Variants in NINL observed in about 807,000 individuals in gnomAD.
The protein encoded by NINL is ninein-like protein.
A neutral mutation model predicts 160.3 loss-of-function variants in NINL; 153 were observed. That is an observed-to-expected ratio of 0.95 (90% CI 0.84 to 1.09). The LOEUF (loss-of-function observed/expected upper bound fraction) is 1.09, where lower values mean the gene tolerates loss of function less well. Ranked by LOEUF, NINL falls within the 50% of genes least tolerant of loss-of-function variation. The pLI is 0.00. For synonymous variants in NINL, 800 were observed against 734.8 expected (o/e 1.09, Z -1.43); for missense variants, 1,829 against 1,764.0 (o/e 1.04, Z -0.66).
intron 7 of NINL, among the ~76,000 whole-genome samples, chr20:25,503,371 A>G (rs1262731433): frequency 1.9e-5 from 2 of 106,812 alleles, no homozygotes; most frequent in African/African-American, 3.7e-5. Context: ...GCCTCCTGTA[A>G]CCCCAGGAGG....
In NINL at chr20:25,500,999, C is replaced by G. The variant is rs776628214; in HGVS notation, c.873G>C (p.Glu291Asp). ...AGGTTGTGGTGGTGTGGCAGCCGCT[C>G]TCCTCTGGGACCTGCATGTCAGGAA... Reference protein sequence around the residue: ...KAWSHYQVPEESGCHTTTTSS... With the variant: ...KAWSHYQVPEDSGCHTTTTSS... Residue 291 changes from glutamate (E) to aspartate (D), a missense_variant, in exon 8 of 24, where the codon GAG becomes GAC. Coordinates refer to ENST00000278886, the MANE Select transcript of NINL (RefSeq NM_025176.6). 6.2e-6 allele frequency: 10 copies of G among 1,613,922 alleles called. No homozygotes were observed. The highest frequency in any genetic ancestry group is 8.5e-6 in the Non-Finnish European group (10 of 1,179,950).
chr20:25,476,957 C>G lies in NINL; in HGVS notation c.2334G>C (p.Gln778His). ...GCTTCAGTGCCCTCTCCAGCTCCAG[C>G]TGCTCCGACCTCTGGCTCCCGCGTG... ...PLPRGSQRSEQLELERALKLQ... is the reference protein window; with the variant it reads ...PLPRGSQRSEHLELERALKLQ... Residue 778 changes from glutamine to histidine, a missense_variant, in exon 17 of 24, where the codon CAG becomes CAC. Physicochemically the swap from Gln to His is conservative, Grantham distance 24. Coordinates refer to ENST00000278886, the MANE Select transcript of NINL (RefSeq NM_025176.6). The G allele has an allele frequency of 6.2e-7, 1 of 1,609,476 alleles. No individual in the cohort carries two copies. The highest frequency in any genetic ancestry group is 8.5e-7 in the Non-Finnish European group (1 of 1,179,874).
intron 1 of NINL, 44 bp from the exon 2 acceptor site, chr20:25,526,642 C>A: frequency 1.3e-6 from 2 of 1,566,066 alleles, no homozygotes; most frequent in South Asian, 1.2e-5. Flanking sequence ...GACACTTTCC[C>A]ACCTCCCCTC....
chr20:25,555,547 T>G (rs951379075), intron 1 of NINL, among the ~76,000 whole-genome samples: 4 of 152,132 alleles, frequency 2.6e-5, no homozygotes, highest in Admixed American at 2.0e-4. Context: ...GATAACACAC[T>G]CATGTAACTA....
chr20:25,499,112 C>T, intron 8 of NINL: 2 of 985,454 alleles, frequency 2.0e-6, no homozygotes, highest in Non-Finnish European at 2.4e-6. Flanking sequence ...CAGGACGTGC[C>T]TGGCCCAGAG....
rs761737847 is a variant in NINL, at chr20:25,477,053, C to G, written c.2238G>C (p.Ser746=). The G allele has an allele frequency of 6.3e-7, 1 of 1,598,346 alleles. No homozygotes were observed. Among genetic ancestry groups the G allele is most frequent in the Admixed American group, 1.7e-5 (1 of 59,938 alleles). ...EAEAELSGEL[S]GLGALPARRD... The stretch of plus-strand genomic sequence containing the variant: ...TGCGAGCGGGCAGGGCTCCCAGCCC[C>G]GACAGCTCTCCACTCAGCTCCGCCT... The change falls in exon 17 of 24, where the codon TCG becomes TCC. Residue 746 remains serine (S), a synonymous_variant. Transcript: ENST00000278886.
intron 14 of NINL, among the ~76,000 whole-genome samples, chr20:25,481,598 G>A (rs191138712): frequency 2.6e-5 from 4 of 152,304 alleles, no homozygotes; most frequent in Admixed American, 6.5e-5. Flanking sequence ...GGTAAGCCCC[G>A]ACAGCCTCTG....
rs2064189009 is a variant in NINL at position 25,517,866 on chromosome 20, TGA to T, written c.181-19_181-18del. The T allele has an allele frequency of 1.9e-6, 3 of 1,541,660 alleles. No individual in the cohort carries two copies. Among genetic ancestry groups the T allele is most frequent in the Non-Finnish European group, 2.7e-6 (3 of 1,130,352 alleles). The stretch of plus-strand genomic sequence containing the variant: ...AAAGTTAACCTGGGTGAATTGAAGG[TGA>T]GAGAGGACAATGTCACTTTCAACAG... On this transcript the variant is annotated intron_variant, in intron 2 of 23. Transcript: ENST00000278886.
At chr20:25,580,405 T>C (rs187243358) in intron 1 of NINL, among the ~76,000 whole-genome samples, 129 of 152,138 alleles carry the variant, frequency 8.5e-4, no homozygotes, top group African/African-American at 3.0e-3. Flanking sequence ...AAAATTGGTA[T>C]ATCCTAGAGG....
At chr20:25,458,345 TCATCTCGTCAGC>T in intron 22 of NINL, 26 bp downstream of exon 22, 1 of 1,602,160 alleles carries the variant, frequency 6.2e-7, no homozygotes, top group Non-Finnish European at 8.5e-7. Context: ...ACCCTCCTCC[TCATCTCGTCAGC>T]CATCTCTCGC....
At chr20:25,467,205 GGCAGGGGTCT>G (rs1568847370) in intron 19 of NINL, among the ~76,000 whole-genome samples, 174 bp downstream of exon 19, 1 of 152,236 alleles carries the variant, frequency 6.6e-6, no homozygotes, top group Non-Finnish European at 1.5e-5. Context: ...ATTTGACTGG[GGCAGGGGTCT>G]TCACAGCCGT....
At chr20:25,506,043 C>T (rs1180992157) in intron 5 of NINL, among the ~76,000 whole-genome samples, 2 of 152,184 alleles carry the variant, frequency 1.3e-5, no homozygotes, top group African/African-American at 4.8e-5. Flanking sequence ...GCGGGTAGAT[C>T]ACGAGGTCAG....
At chr20:25,561,984 C>A (rs1430554937) in intron 1 of NINL, among the ~76,000 whole-genome samples, 2 of 138,932 alleles carry the variant, frequency 1.4e-5, no homozygotes, top group Non-Finnish European at 3.1e-5. Flanking sequence ...CCACCCCATC[C>A]GGGAGGTGAG....
intron 1 of NINL, among the ~76,000 whole-genome samples, chr20:25,573,348 G>A (rs1318198172): frequency 3.3e-5 from 5 of 151,724 alleles, no homozygotes; most frequent in African/African-American, 1.2e-4. Context: ...TAAAATCTAT[G>A]CTGAAAAATC....
intron 14 of NINL, among the ~76,000 whole-genome samples, chr20:25,480,806 G>A: frequency 6.6e-6 from 1 of 152,318 alleles, no homozygotes; most frequent in South Asian, 2.1e-4. Context: ...GAGACTGACG[G>A]GCAGGGAGGT....
chr20:25,498,077 G>C (rs1414481717), intron 9 of NINL, 133 bp downstream of exon 9: 5 of 1,100,016 alleles, frequency 4.5e-6, no homozygotes, highest in Non-Finnish European at 6.6e-6. Flanking sequence ...CAGACAGTGT[G>C]CAGAGCCCTG....
chr20:25,532,124 G>A (rs557143316), intron 1 of NINL, among the ~76,000 whole-genome samples: 49 of 152,336 alleles, frequency 3.2e-4, no homozygotes, highest in African/African-American at 1.2e-3. Context: ...AAAAAGGAAA[G>A]ACCCTGCCAT....
At position 25,479,096 on chromosome 20, in the gene NINL, C is replaced by A. The variant is rs774087724; in HGVS notation, c.2028G>T (p.Lys676Asn). ...TCTCGTGGAGCTCCTCCAGGTCGGC[C>A]TTCTGACCCTCCAGCACGCTGACCT... ...RREVSVLEGQ[K>N]ADLEELHEKS... The change falls in exon 16 of 24, where the codon AAG becomes AAT. Residue 676 changes from lysine (K) to asparagine (N), a missense_variant. By Grantham distance (94) the Lys-to-Asn change is moderately conservative (BLOSUM62 0). Transcript: ENST00000278886. 6.2e-7 allele frequency: 1 copy of A among 1,613,670 alleles called. No individual in the cohort carries two copies. Among genetic ancestry groups the A allele is most frequent in the South Asian group, 1.1e-5 (1 of 91,084 alleles).
At chr20:25,550,160 C>G (rs1276638269) in intron 1 of NINL, among the ~76,000 whole-genome samples, 1 of 152,212 alleles carries the variant, frequency 6.6e-6, no homozygotes, top group Non-Finnish European at 1.5e-5. Context: ...GTAGGAAGAC[C>G]ACCTGAGGCC....
Sources: gnomAD v4.1 joint callset for allele counts (sites outside exome capture counted in the v4.1 genomes callset) on GRCh38, gnomAD v4.1.1 for gene constraint, MANE v1.5 for transcripts, NCBI Gene and HGNC (gene_info 2026-07-23, HGNC 2026-07-21) for gene names.